The following MECOM variants were observed in gnomAD, a reference collection of about 807,000 sequenced individuals.
MECOM encodes the protein MDS1 and EVI1 complex locus, also known as histone-lysine N-methyltransferase MECOM.
In MECOM, 13 loss-of-function variants were observed where a neutral mutation model predicts 116.3. The observed-to-expected ratio is 0.11, with a 90% CI of 0.07 to 0.18. The LOEUF (loss-of-function observed/expected upper bound fraction) is 0.18, where lower values mean the gene tolerates loss of function less well. MECOM is among the 10% of genes least tolerant of loss of function. MECOM has a pLI of 1.00. For missense variants in MECOM, 1,299 were observed against 1,509.0 expected (o/e 0.86, Z 2.31); for synonymous variants, 528 against 535.2 (o/e 0.99, Z 0.19).
At chr3:169,650,418 C>G (rs990549083) in intron 1 of MECOM, among the ~76,000 whole-genome samples, 2 of 151,962 alleles carry the variant, frequency 1.3e-5, no homozygotes, top group Non-Finnish European at 2.9e-5. Flanking sequence ...AACAAAAAAG[C>G]CTTGAGGCCT....
At position 169,180,915 on chromosome 3, in the gene MECOM, G is replaced by C. The variant is rs114975525; in HGVS notation, c.376-37083C>G. Among the ~76,000 whole-genome samples the C allele has an allele frequency of 3.3e-3, 492 of 150,798 alleles. 4 individuals are homozygous for C. The highest frequency in any genetic ancestry group is 0.011 in the African/African-American group (463 of 41,098). ...ACCATGTTATCAACACTTCTAAGGA[G>C]ATTTCCAGTCTTAAAAAAAGGCAAG... On this transcript the variant is annotated intron_variant, in intron 2 of 16. Coordinates refer to ENST00000651503, the MANE Select transcript of MECOM (RefSeq NM_004991.4).
intron 1 of MECOM, among the ~76,000 whole-genome samples, chr3:169,618,001 T>C (rs535813805): frequency 6.6e-6 from 1 of 152,264 alleles, no homozygotes; most frequent in East Asian, 1.9e-4. Context: ...CTTTCCAAGC[T>C]TTCTCCTCCT....
intron 14 of MECOM, among the ~76,000 whole-genome samples, chr3:169,091,222 T>C (rs1015799594): frequency 6.6e-6 from 1 of 151,670 alleles, no homozygotes; most frequent in Admixed American, 6.6e-5. Flanking sequence ...ACAAAAAGAG[T>C]GCATGGATGA....
intron 1 of MECOM, among the ~76,000 whole-genome samples, chr3:169,427,406 G>A (rs775002428): frequency 5.9e-5 from 9 of 152,062 alleles, no homozygotes; most frequent in Non-Finnish European, 1.0e-4. Context: ...ACTATAGGCC[G>A]ATATTTTCAC....
chr3:169,094,985 G>A (rs1464829893), intron 13 of MECOM, 91 bp downstream of exon 13: 1 of 1,182,960 alleles, frequency 8.5e-7, no homozygotes, highest in African/African-American at 1.6e-5. Context: ...GCGTCAAAAT[G>A]GAATAAAAGA....
At chr3:169,168,272 T>C (rs939269729) in intron 2 of MECOM, among the ~76,000 whole-genome samples, 1 of 151,954 alleles carries the variant, frequency 6.6e-6, no homozygotes, top group African/African-American at 2.4e-5. Flanking sequence ...TGGACTCAAG[T>C]GATCCCCTTG....
At chr3:169,613,681 T>G (rs1560494873) in intron 1 of MECOM, 1 of 152,260 alleles carries the variant, frequency 6.6e-6, no homozygotes, top group African/African-American at 2.4e-5. Flanking sequence ...TCAAGGAGAA[T>G]GTGGCATCTG....
intron 1 of MECOM, among the ~76,000 whole-genome samples, chr3:169,401,258 C>A (rs1735845908): frequency 6.6e-6 from 1 of 152,166 alleles, no homozygotes; most frequent in Non-Finnish European, 1.5e-5. Flanking sequence ...AAGCTAGGTT[C>A]CCCTACTCAA....
chr3:169,155,270 C>T (rs770904324), intron 2 of MECOM, among the ~76,000 whole-genome samples: 1 of 152,180 alleles, frequency 6.6e-6, no homozygotes, highest in Non-Finnish European at 1.5e-5. Context: ...ACTGCTGCCT[C>T]TCCAGATAGC....
intron 7 of MECOM, among the ~76,000 whole-genome samples, chr3:169,117,144 C>G (rs1729426307): frequency 6.6e-6 from 1 of 152,118 alleles, no homozygotes; most frequent in South Asian, 2.1e-4. Flanking sequence ...GAACCCCTTT[C>G]AAATTTTAGA....
intron 2 of MECOM, among the ~76,000 whole-genome samples, chr3:169,292,154 C>T (rs943547958): frequency 6.6e-6 from 1 of 151,922 alleles, no homozygotes; most frequent in Non-Finnish European, 1.5e-5. Flanking sequence ...AGCAGCCTGG[C>T]CAACATGGTG....
chr3:169,231,312 A>G (rs533735950), intron 2 of MECOM, among the ~76,000 whole-genome samples: 1 of 152,300 alleles, frequency 6.6e-6, no homozygotes, highest in African/African-American at 2.4e-5. Flanking sequence ...CTTGCACCAG[A>G]CACCAGGCTA....
chr3:169,197,973 G>A (rs1748651154), intron 2 of MECOM, among the ~76,000 whole-genome samples: 1 of 151,894 alleles, frequency 6.6e-6, no homozygotes, highest in Admixed American at 6.6e-5. Flanking sequence ...CCGTGTGGTT[G>A]GCAGACTTGC....
Position 169,084,997 on chromosome 3 carries a change from G to A in MECOM, c.3632C>T (p.Ser1211Phe), listed in dbSNP as rs1391012361. 1 of 1,614,176 alleles carries A rather than the reference G, an allele frequency of 6.2e-7. No individual in the cohort carries two copies. Among genetic ancestry groups the A allele is most frequent in the Admixed American group, 1.7e-5 (1 of 60,030 alleles). Residue 1211 changes from serine to phenylalanine, a missense_variant, in exon 17 of 17, where the codon TCT (serine) becomes TTT (phenylalanine). Transcript: ENST00000651503. The stretch of plus-strand genomic sequence containing the variant: ...CACGTTGGAAGAACTGTGGGATGTA[G>A]AATGGAGGGACTCCTTGTCAGACAG... ...LSLSDKESLHSTSHSSSNVWH... is the reference protein window; with the variant it reads ...LSLSDKESLHFTSHSSSNVWH...
At chr3:169,147,852 A>T (rs989754179) in intron 2 of MECOM, 33 of 12,582 alleles carry the variant, frequency 2.6e-3, no homozygotes, top group Non-Finnish European at 3.3e-3. Flanking sequence ...CCGAGGCAGG[A>T]GGGGGCGGGG....
chr3:169,478,418 T>C (rs1419814993), intron 1 of MECOM, among the ~76,000 whole-genome samples: 1 of 152,142 alleles, frequency 6.6e-6, no homozygotes, highest in Non-Finnish European at 1.5e-5. Flanking sequence ...TCTCCACTTT[T>C]CCCATTACTT....
At position 169,244,782 on chromosome 3, in the gene MECOM, A is replaced by G. The variant is rs554559652; in HGVS notation, c.376-100950T>C. 2.9e-4 allele frequency among the ~76,000 whole-genome samples: 44 copies of G among 152,316 alleles called. No individual in the cohort carries two copies. In the South Asian group the frequency reaches 6.0e-3, roughly 21 times the overall value. ...GGCTTCAATTATCTGTAAGCAAAGA[A>G]ATAGTAACTTCCAACTCCAGATTTC... On this transcript the variant is annotated intron_variant, in intron 2 of 16. Transcript: ENST00000651503.
intron 5 of MECOM, among the ~76,000 whole-genome samples, chr3:169,126,929 T>C (rs1733074751): frequency 6.6e-6 from 1 of 152,156 alleles, no homozygotes; most frequent in African/African-American, 2.4e-5. Context: ...CCATTTGATA[T>C]ACTACCATTC....
At chr3:169,450,659 C>G (rs1560289307) in intron 1 of MECOM, among the ~76,000 whole-genome samples, 1 of 152,028 alleles carries the variant, frequency 6.6e-6, no homozygotes, top group Non-Finnish European at 1.5e-5. Flanking sequence ...TTGAAGGGAG[C>G]CTTCATTCTT....
Sources: allele counts gnomAD v4.1 joint callset (sites outside exome capture counted in the v4.1 genomes callset), GRCh38; gene constraint gnomAD v4.1.1; transcripts MANE v1.5; gene names NCBI Gene and HGNC (gene_info 2026-07-23, HGNC 2026-07-21).